MAP7D1: variants seen among roughly 807,000 people sequenced by gnomAD.
The protein encoded by MAP7D1 is MAP7 domain containing 1.
In MAP7D1, 30 loss-of-function variants were observed where a neutral mutation model predicts 97.5. The observed-to-expected ratio is 0.31, with a 90% CI of 0.23 to 0.42. The LOEUF is 0.42. MAP7D1 is among the 10% of genes least tolerant of loss of function. The pLI is 1.00. For missense variants in MAP7D1, 1,184 were observed against 1,179.5 expected (o/e 1.00, Z -0.06); for synonymous variants, 536 against 477.1 (o/e 1.12, Z -1.61).
chr1:36,177,787 AG>A, intron 8 of MAP7D1, 85 bp from the exon 9 acceptor site: 1 of 1,298,996 alleles, frequency 7.7e-7, no homozygotes. Context: ...AGCCTGGGGG[AG>A]GGGGCACCTC....
Position 36,176,384 on chromosome 1 carries a change from G to A in MAP7D1, c.1036G>A (p.Gly346Arg), listed in dbSNP as rs189678494. ...WGRAGASLAR[G>R]PQPDRTHPSA... ...CCGGGCAGGGGCCAGCCTGGCGCGCGGGCCGCAACCCGACCGCACTCATCC... is the reference window on the plus strand; with the variant it reads ...CCGGGCAGGGGCCAGCCTGGCGCGCAGGCCGCAACCCGACCGCACTCATCC... Residue 346 changes from glycine (G) to arginine (R), a missense_variant, in exon 7 of 17, where the codon GGG becomes AGG. Transcript: ENST00000474796. The surrounding 1 kb of genome is among the most constrained non-coding windows in gnomAD (Gnocchi z 6.1). 4,190 of 1,524,332 alleles carry A rather than the reference G, an allele frequency of 2.7e-3. 27 individuals are homozygous for A. Among genetic ancestry groups the A allele is most frequent in the African/African-American group, 0.024 (1,693 of 71,138 alleles). The allele number at this position is 1,524,332 out of a possible 1,614,324, so 94.4% of individuals were successfully genotyped here.
chr1:36,159,453 G>A lies in MAP7D1; in HGVS notation c.46+2990G>A, dbSNP rs181629897. On this transcript the variant is annotated intron_variant, in intron 1 of 16. Transcript: ENST00000474796. The surrounding 1 kb of genome is among the most constrained non-coding windows in gnomAD (Gnocchi z 5.4). ...GGTAAGTATAGGACAAGAAGGCAGC[G>A]GAGAGGGGAGTTCTAGGCAGACATG... Among the ~76,000 whole-genome samples the A allele has an allele frequency of 8.5e-5, 13 of 152,294 alleles. No individual in the cohort carries two copies. The highest frequency in any genetic ancestry group is 2.2e-4 in the African/African-American group (9 of 41,556).
Position 36,178,497 on chromosome 1 carries a change from GAGA to G in MAP7D1, c.1793_1795del (p.Glu598del), listed in dbSNP as rs894276771. ...AAACCAATGGCCGGCACCACAGACC[GAGA>G]AGAAGCCACTCGGCTCTTGGCTGAG... On this transcript the variant is annotated inframe_deletion, in exon 10 of 17. Coordinates refer to ENST00000474796, the MANE Select transcript of MAP7D1 (RefSeq NM_001388490.1). 1 of 1,610,306 alleles carries G rather than the reference GAGA, an allele frequency of 6.2e-7. No individual in the cohort carries two copies. Among genetic ancestry groups the G allele is most frequent in the African/African-American group, 1.3e-5 (1 of 74,880 alleles).
Position 36,159,151 on chromosome 1 carries a change from A to C in MAP7D1, c.46+2688A>C, listed in dbSNP as rs1363289250. ...CGGCACACTGCAACCTCCGCCTCCC[A>C]GGTTCAAGCGATTCTCTTGCCTCAG... is the stretch of plus-strand genomic sequence containing the variant. On this transcript the variant is annotated intron_variant, in intron 1 of 16. Coordinates refer to ENST00000474796, the MANE Select transcript of MAP7D1 (RefSeq NM_001388490.1). The surrounding 1 kb of genome is among the most constrained non-coding windows in gnomAD (Gnocchi z 5.4). Among the ~76,000 whole-genome samples, 2 of 152,044 alleles carry C rather than the reference A, an allele frequency of 1.3e-5. No individual in the cohort carries two copies. The highest frequency in any genetic ancestry group is 2.9e-5 in the Non-Finnish European group (2 of 68,004).
intron 1 of MAP7D1, among the ~76,000 whole-genome samples, chr1:36,161,155 T>C (rs914580723): frequency 6.6e-6 from 1 of 152,210 alleles, no homozygotes; most frequent in Non-Finnish European, 1.5e-5. Context: ...CCCGGCTTTA[T>C]CACCCACAGA....
intron 9 of MAP7D1, 105 bp from the exon 10 acceptor site, chr1:36,178,314 G>C: frequency 6.8e-7 from 1 of 1,472,422 alleles, no homozygotes; most frequent in Non-Finnish European, 9.1e-7. Context: ...ATGGAAAGAG[G>C]AGACTCCTGC....
chr1:36,156,967 C>T (rs1644341543), intron 1 of MAP7D1, among the ~76,000 whole-genome samples: 1 of 152,212 alleles, frequency 6.6e-6, no homozygotes, highest in African/African-American at 2.4e-5. Context: ...GACCTCGCCC[C>T]CACCCCATCC....
intron 9 of MAP7D1, 101 bp from the exon 10 acceptor site, chr1:36,178,318 C>T: frequency 6.8e-7 from 1 of 1,478,608 alleles, no homozygotes; most frequent in African/African-American, 1.4e-5. Flanking sequence ...AAAGAGGAGA[C>T]TCCTGCCCTC....
At chr1:36,174,408 A>G (rs1570154872) in intron 5 of MAP7D1, among the ~76,000 whole-genome samples, 1 of 152,268 alleles carries the variant, frequency 6.6e-6, no homozygotes, top group Non-Finnish European at 1.5e-5. Context: ...CTGCCACTCT[A>G]TATGCCTGTG....
chr1:36,167,549 CT>C (rs1383050767), intron 1 of MAP7D1, among the ~76,000 whole-genome samples: 5 of 152,178 alleles, frequency 3.3e-5, no homozygotes, highest in Non-Finnish European at 7.3e-5. Flanking sequence ...TACCAAGCCC[CT>C]GCCAGGTGCC....
chr1:36,167,503 G>A (rs1303208164), intron 1 of MAP7D1, among the ~76,000 whole-genome samples: 1 of 152,152 alleles, frequency 6.6e-6, no homozygotes, highest in Non-Finnish European at 1.5e-5. Context: ...GCAGAGATGA[G>A]GAGACGTGGA....
intron 1 of MAP7D1, among the ~76,000 whole-genome samples, chr1:36,166,809 T>C (rs1290361097): frequency 6.6e-6 from 1 of 152,140 alleles, no homozygotes; most frequent in Non-Finnish European, 1.5e-5. Flanking sequence ...ATCCAAGTGA[T>C]AGAAGTGGAG....
chr1:36,156,255 C>G lies in MAP7D1; in HGVS notation c.-163C>G, dbSNP rs956932357. On this transcript the variant is annotated 5_prime_UTR_variant, in exon 1 of 17. Coordinates refer to ENST00000474796, the MANE Select transcript of MAP7D1 (RefSeq NM_001388490.1). Reference sequence around the variant, plus strand: ...GGGCGACCGGCACCTCCGAGACTCGCGGGCCACCTGCCTCGACCTTCCCCG... The same window carrying G: ...GGGCGACCGGCACCTCCGAGACTCGGGGGCCACCTGCCTCGACCTTCCCCG... 8.3e-6 allele frequency: 4 copies of G among 481,002 alleles called. No individual in the cohort carries two copies. Among genetic ancestry groups the G allele is most frequent in the African/African-American group, 8.2e-5 (4 of 48,936 alleles). 29.8% of individuals were successfully genotyped at this position (481,002 alleles called of 1,614,324 possible). A position where few individuals can be genotyped will look rare whatever the true frequency, so the allele number is the denominator to read the frequency against.
At chr1:36,160,345 G>A (rs1570125343) in intron 1 of MAP7D1, among the ~76,000 whole-genome samples, 1 of 152,226 alleles carries the variant, frequency 6.6e-6, no homozygotes, top group Non-Finnish European at 1.5e-5. Context: ...TGGTACTGCT[G>A]CCCTTACTAG....
intron 8 of MAP7D1, chr1:36,177,531 A>C: frequency 1.7e-6 from 1 of 571,702 alleles, no homozygotes; most frequent in Non-Finnish European, 3.4e-6. Context: ...TAAAAACAAC[A>C]ACAACAACAA....
At chr1:36,167,699 C>G (rs750666331) in intron 1 of MAP7D1, among the ~76,000 whole-genome samples, 1 of 152,196 alleles carries the variant, frequency 6.6e-6, no homozygotes, top group Non-Finnish European at 1.5e-5. Flanking sequence ...GACTCTGAAG[C>G]CTGTGACCTT....
intron 1 of MAP7D1, among the ~76,000 whole-genome samples, chr1:36,165,729 CTTTT>C (rs34713399): frequency 8.5e-6 from 1 of 118,258 alleles, no homozygotes; most frequent in Non-Finnish European, 1.7e-5. Flanking sequence ...CAGTTTGTAG[CTTTT>C]TTTTTTTTTT....
At position 36,179,024 on chromosome 1, in the gene MAP7D1, AGGTGTGC is replaced by A; in HGVS notation, c.2130+2_2130+8del. On this transcript the variant is annotated splice_donor_variant and splice_donor_5th_base_variant and coding_sequence_variant and intron_variant, in exon 12 of 17. Coordinates refer to ENST00000474796, the MANE Select transcript of MAP7D1 (RefSeq NM_001388490.1). LOFTEE classifies it high-confidence loss of function. ...GAGCAAGAGCGGCAAGAGCGCAGAA[AGGTGTGC>A]GGACCTGGGCGGGGATTTGTGGGCG... 1 of 1,283,672 alleles carries A rather than the reference AGGTGTGC, an allele frequency of 7.8e-7. No individual in the cohort carries two copies. The allele number at this position is 1,283,672 out of a possible 1,614,324, so 79.5% of individuals were successfully genotyped here.
intron 8 of MAP7D1, 70 bp from the exon 9 acceptor site, chr1:36,177,781 TGGGGGAGGGGGCACCTCCCAGA>T: frequency 8.5e-7 from 1 of 1,180,968 alleles, no homozygotes; most frequent in Non-Finnish European, 1.1e-6. Context: ...TGATGTAGCC[TGGGGGAGGGGGCACCTCCCAGA>T]GGAAGGAACA....
Sources: allele counts gnomAD v4.1 joint callset (sites outside exome capture counted in the v4.1 genomes callset), GRCh38; gene constraint gnomAD v4.1.1; non-coding constraint Gnocchi (gnomAD v3.1); transcripts MANE v1.5; gene names NCBI Gene and HGNC (gene_info 2026-07-23, HGNC 2026-07-21).